The following SETX variants were observed in gnomAD, a reference collection of about 807,000 sequenced individuals.
SETX encodes helicase senataxin.
SETX carries 90 observed loss-of-function variants against 227.2 expected under a neutral mutation model. That is an observed-to-expected ratio of 0.40 (90% confidence interval 0.33 to 0.47). The LOEUF (loss-of-function observed/expected upper bound fraction) is 0.47. SETX is among the 20% of genes least tolerant of loss of function. SETX has a pLI of 0.91. For missense variants in SETX, 3,052 were observed against 3,181.5 expected (o/e 0.96, Z 0.98); for synonymous variants, 1,210 against 1,113.2 (o/e 1.09, Z -1.73).
At chr9:132,302,511 T>G (rs1251890694) in intron 11 of SETX, among the ~76,000 whole-genome samples, 1 of 150,474 alleles carries the variant, frequency 6.6e-6, no homozygotes, top group African/African-American at 2.4e-5. Flanking sequence ...AATACAAAAA[T>G]TAGCCAGGCG....
rs1272100327 is a variant in SETX at position 132,264,626 on chromosome 9, G to A, written c.7647C>T (p.Val2549=). ...PRLLKRMGIE[V]KGGIFLWDPQ... ...GATCCCAAAGGAATATTCCTCCTTT[G>A]ACCTCAATGCCCATCCTCTTCAGCA... Residue 2549 remains valine (V), a synonymous_variant, in exon 26 of 26, where the codon GTC becomes GTT. Transcript: ENST00000224140. 1.9e-6 allele frequency: 3 copies of A among 1,614,180 alleles called. No individual in the cohort carries two copies. The South Asian group carries it at 3.3e-5, about 18-fold the overall frequency.
chr9:132,305,320 C>T (rs1348216193), intron 11 of SETX, among the ~76,000 whole-genome samples: 1 of 146,708 alleles, frequency 6.8e-6, no homozygotes, highest in Non-Finnish European at 1.5e-5. Context: ...TGCCACTGCA[C>T]TCCCGCCTGG....
At chr9:132,314,077 T>C (rs879457124) in intron 10 of SETX, among the ~76,000 whole-genome samples, 6 of 151,992 alleles carry the variant, frequency 3.9e-5, no homozygotes, top group South Asian at 2.1e-4. Context: ...AATACAGGCA[T>C]GCGCCACCAT....
chr9:132,265,135 G>C, intron 25 of SETX, 150 bp from the exon 26 acceptor site: 2 of 961,464 alleles, frequency 2.1e-6, no homozygotes, highest in East Asian at 2.8e-5. Flanking sequence ...AAGGATGAAA[G>C]GAAAAAATAA....
chr9:132,268,098 A>G (rs992392448), intron 25 of SETX, among the ~76,000 whole-genome samples: 1 of 152,238 alleles, frequency 6.6e-6, no homozygotes, highest in Non-Finnish European at 1.5e-5. Flanking sequence ...TATTCAATTG[A>G]TAAGAGATCA....
intron 4 of SETX, among the ~76,000 whole-genome samples, chr9:132,344,718 A>G (rs1219421945): frequency 6.6e-6 from 1 of 152,118 alleles, no homozygotes; most frequent in African/African-American, 2.4e-5. Flanking sequence ...TACTAAAAAT[A>G]CAAAAAATTA....
At chr9:132,292,432 A>G (rs1056590982) in intron 15 of SETX, among the ~76,000 whole-genome samples, 4 of 148,256 alleles carry the variant, frequency 2.7e-5, no homozygotes, top group South Asian at 2.1e-4. Flanking sequence ...AAAAAAAAAA[A>G]AAAAAGAAAA....
chr9:132,304,087 C>A (rs969401353), intron 11 of SETX, among the ~76,000 whole-genome samples: 1 of 152,162 alleles, frequency 6.6e-6, no homozygotes, highest in Non-Finnish European at 1.5e-5. Context: ...GCTGGGGCAA[C>A]AGAGCAAGAC....
intron 19 of SETX, 31 bp downstream of exon 19, chr9:132,283,233 G>C: frequency 6.2e-7 from 1 of 1,613,420 alleles, no homozygotes; most frequent in Non-Finnish European, 8.5e-7. Context: ...CATAGTAGTA[G>C]TCAAAGTTGT....
At chr9:132,354,504 AAAAAAAAG>A (rs986153658) in intron 1 of SETX, among the ~76,000 whole-genome samples, 2 of 151,382 alleles carry the variant, frequency 1.3e-5, no homozygotes, top group Non-Finnish European at 2.9e-5. Flanking sequence ...TCAAAAAAAA[AAAAAAAAG>A]AAAAAAGAAA....
At chr9:132,335,147 T>C (rs1261457788) in intron 6 of SETX, among the ~76,000 whole-genome samples, 5 of 151,974 alleles carry the variant, frequency 3.3e-5, no homozygotes, top group Non-Finnish European at 5.9e-5. Flanking sequence ...TCCCAGCACT[T>C]TGGGAGGCCA....
In SETX at chr9:132,297,025, A is replaced by G. The variant is rs2296869; in HGVS notation, c.5811T>C (p.Asp1937=). ...IIAYLRDFNE[D]QKKAIETAYA... is the part of the protein sequence containing the mutation. ...ATGCAGTTTCTATTGCTTTCTTTTG[A>G]TCTTCATTGAAATCTCTTAAGTACG... Residue 1937 remains aspartate, a synonymous_variant, in exon 14 of 26, where the codon GAT becomes GAC. Transcript: ENST00000224140. 338,424 of 1,612,012 alleles carry G rather than the reference A, an allele frequency of 0.21. 51,483 individuals are homozygous for G. Among genetic ancestry groups the G allele is most frequent in the East Asian group, 0.7 (31,464 of 44,834 alleles).
chr9:132,295,699 G>A (rs1844627286), intron 15 of SETX, among the ~76,000 whole-genome samples, 173 bp downstream of exon 15: 1 of 149,828 alleles, frequency 6.7e-6, no homozygotes. Context: ...ACCTGGCACA[G>A]GCCCTGGCAC....
intron 11 of SETX, among the ~76,000 whole-genome samples, chr9:132,303,451 A>G (rs1845144086): frequency 6.6e-6 from 1 of 151,798 alleles, no homozygotes; most frequent in African/African-American, 2.4e-5. Context: ...GAAAAAAAAA[A>G]ATAGGAGAAA....
Position 132,327,186 on chromosome 9 carries a change from G to A in SETX, c.4412C>T (p.Thr1471Ile), listed in dbSNP as rs533403902. 4 of 1,614,076 alleles carry A rather than the reference G, an allele frequency of 2.5e-6. No homozygotes were observed. Among genetic ancestry groups the A allele is most frequent in the African/African-American group, 1.3e-5 (1 of 74,928 alleles). ...AGCTGCCATCTCTATATGACGTGCT[G>A]TTGGATCACCTCCACCCAGAGGGTC... ...SEDPLGGGDP[T>I]ARHIEMAALK... The change falls in exon 10 of 26, where the codon ACA becomes ATA. Residue 1471 changes from threonine to isoleucine, a missense_variant. Thr to Ile is a moderately conservative substitution (Grantham distance 89). Transcript: ENST00000224140.
Position 132,264,709 on chromosome 9 carries a change from C to A in SETX, c.7564G>T (p.Val2522Phe), listed in dbSNP as rs539045769. 1.4e-5 allele frequency: 23 copies of A among 1,614,178 alleles called. No homozygotes were observed. The highest frequency in any genetic ancestry group is 1.9e-5 in the Non-Finnish European group (23 of 1,180,034). ...GGTCTTTCAGGGTCCTTTGAAGTAA[C>A]AGTAAGAGTAATTTCCTTGGAGTCA... ...PSDSKEITLT[V>F]TSKDPERPPV... The change falls in exon 26 of 26, where the codon GTT (valine) becomes TTT (phenylalanine). Residue 2522 changes from valine to phenylalanine, a missense_variant. Around this residue, in one of 10 missense-constraint regions of SETX, gnomAD observed 294 missense variants for 278.8 expected, o/e 1.05. Coordinates refer to ENST00000224140, the MANE Select transcript of SETX (RefSeq NM_015046.7).
At chr9:132,314,050 G>A (rs933316719) in intron 10 of SETX, among the ~76,000 whole-genome samples, 1 of 151,904 alleles carries the variant, frequency 6.6e-6, no homozygotes, top group Non-Finnish European at 1.5e-5. Context: ...TCCCGCCTCC[G>A]CCTCCCATTA....
At chr9:132,325,095 G>T (rs372562889) in intron 10 of SETX, among the ~76,000 whole-genome samples, 82 of 152,310 alleles carry the variant, frequency 5.4e-4, no homozygotes, top group African/African-American at 1.9e-3. Context: ...AGTGGCTCAC[G>T]CCTGTAATCC....
At chr9:132,306,715 A>G (rs1271907880) in intron 11 of SETX, among the ~76,000 whole-genome samples, 3 of 152,208 alleles carry the variant, frequency 2.0e-5, no homozygotes, top group South Asian at 2.1e-4. Flanking sequence ...TTATTTATTT[A>G]TTTATTTAGA....
Sources: allele counts gnomAD v4.1 joint callset (sites outside exome capture counted in the v4.1 genomes callset), GRCh38; gene constraint gnomAD v4.1.1; regional missense constraint gnomAD v4.1.1; transcripts MANE v1.5; gene names NCBI Gene and HGNC (gene_info 2026-07-23, HGNC 2026-07-21).